The following FAM117A variants were observed in gnomAD, a reference collection of about 807,000 sequenced individuals.
The protein encoded by FAM117A is family with sequence similarity 117 member A, also known as protein FAM117A.
FAM117A carries 21 observed loss-of-function variants against 44.1 expected under a neutral mutation model. That is an observed-to-expected ratio of 0.48 (90% CI 0.34 to 0.69). The LOEUF (loss-of-function observed/expected upper bound fraction) is 0.69. Ranked by LOEUF, FAM117A falls within the 30% of genes least tolerant of loss-of-function variation. FAM117A has a pLI of 0.01. For synonymous variants in FAM117A, 220 were observed against 238.3 expected, an observed-to-expected ratio of 0.92 and a Z score of 0.71; for missense variants, 498 against 589.9, an observed-to-expected ratio of 0.84 and a Z score of 1.61.
At chr17:49,775,409 C>T (rs750649935) in intron 1 of FAM117A, among the ~76,000 whole-genome samples, 4 of 152,200 alleles carry the variant, frequency 2.6e-5, no homozygotes, top group Non-Finnish European at 5.9e-5. Flanking sequence ...CCCAACACAT[C>T]TATTCCACAA....
chr17:49,752,153 G>A (rs2143770499), intron 1 of FAM117A, among the ~76,000 whole-genome samples: 1 of 152,044 alleles, frequency 6.6e-6, no homozygotes, highest in African/African-American at 2.4e-5. Flanking sequence ...TAATCTACTT[G>A]GGAGGGTTAG....
chr17:49,721,421 T>C (rs1398535059), intron 3 of FAM117A, among the ~76,000 whole-genome samples: 1 of 152,228 alleles, frequency 6.6e-6, no homozygotes, highest in Non-Finnish European at 1.5e-5. Flanking sequence ...CAATTTGCTA[T>C]TGTGGGTCAC....
chr17:49,733,437 G>A (rs1453129256), intron 1 of FAM117A, among the ~76,000 whole-genome samples: 1 of 152,128 alleles, frequency 6.6e-6, no homozygotes, highest in Non-Finnish European at 1.5e-5. Context: ...CCAGCACTTT[G>A]GGAGGTGGGC....
chr17:49,767,483 C>T (rs2073748762), upstream of FAM117A, among the ~76,000 whole-genome samples: 1 of 152,220 alleles, frequency 6.6e-6, no homozygotes. Context: ...CTGAAGTTCA[C>T]AAGCCAGCAG....
chr17:49,718,513 C>G (rs2073516138), intron 5 of FAM117A, among the ~76,000 whole-genome samples: 1 of 151,132 alleles, frequency 6.6e-6, no homozygotes, highest in Non-Finnish European at 1.5e-5. Flanking sequence ...CTCAAAGATA[C>G]AAAAAAAATT....
At chr17:49,780,232 A>G (rs1273513107) in intron 1 of FAM117A, among the ~76,000 whole-genome samples, 3 of 152,200 alleles carry the variant, frequency 2.0e-5, no homozygotes, top group Non-Finnish European at 4.4e-5. Context: ...ATCTCCCAAC[A>G]AATAAAAAGA....
At chr17:49,764,384 G>C (rs916613397), upstream of FAM117A, among the ~76,000 whole-genome samples, 4 of 152,162 alleles carry the variant, frequency 2.6e-5, no homozygotes, top group African/African-American at 9.7e-5. Flanking sequence ...AAGAGGGCTG[G>C]TTCTCCAGCG....
upstream of FAM117A, chr17:49,788,972 C>A: frequency 1.1e-6 from 1 of 907,126 alleles, no homozygotes; most frequent in Non-Finnish European, 1.6e-6. Context: ...CCTTGTTCAG[C>A]TACCCTCTCT....
At chr17:49,756,829 T>C (rs981755389) in intron 1 of FAM117A, among the ~76,000 whole-genome samples, 5 of 151,084 alleles carry the variant, frequency 3.3e-5, no homozygotes, top group African/African-American at 7.3e-5. Flanking sequence ...GGCAGGAGAA[T>C]TGCTTGAACC....
chr17:49,723,859 A>G (rs989137067), intron 2 of FAM117A, among the ~76,000 whole-genome samples: 1 of 152,098 alleles, frequency 6.6e-6, no homozygotes, highest in African/African-American at 2.4e-5. Context: ...GCCACGCAAC[A>G]TAGCCAGGGT....
rs547802633 is a variant in FAM117A, at chr17:49,760,092, A to G, written c.196+3800T>C. Among the ~76,000 whole-genome samples the G allele has an allele frequency of 7.2e-5, 11 of 152,332 alleles. No individual in the cohort carries two copies. The South Asian group carries it at 1.7e-3, about 23-fold the overall frequency. ...CTTTTATATAAATTCAAATTAGCTTATGTCTACTGAACACATCACCTGACA... is the reference window on the plus strand; with the variant it reads ...CTTTTATATAAATTCAAATTAGCTTGTGTCTACTGAACACATCACCTGACA... On this transcript the variant is annotated intron_variant, in intron 1 of 7. Coordinates refer to ENST00000240364, the MANE Select transcript of FAM117A (RefSeq NM_030802.4).
chr17:49,714,329 C>T (rs1220176512), intron 7 of FAM117A, among the ~76,000 whole-genome samples: 2 of 151,884 alleles, frequency 1.3e-5, no homozygotes, highest in African/African-American at 4.8e-5. Context: ...TGGATCACCA[C>T]CACTCTTTTT....
chr17:49,717,470 G>A (rs1257708100), intron 6 of FAM117A, 43 bp downstream of exon 6: 1 of 1,584,946 alleles, frequency 6.3e-7, no homozygotes, highest in South Asian at 1.1e-5. Flanking sequence ...AGCCACTCAT[G>A]TGCCCCAGAG....
chr17:49,771,065 G>A (rs1261546945), intron 1 of FAM117A, among the ~76,000 whole-genome samples: 9 of 152,004 alleles, frequency 5.9e-5, no homozygotes, highest in Admixed American at 2.6e-4. Flanking sequence ...AAAATTAGCT[G>A]GGTGTGGTGG....
chr17:49,759,660 C>T (rs1044320276), intron 1 of FAM117A, among the ~76,000 whole-genome samples: 7 of 152,330 alleles, frequency 4.6e-5, no homozygotes, highest in Admixed American at 2.6e-4. Context: ...CTTAGGGTCT[C>T]TAATATGCAA....
intron 1 of FAM117A, among the ~76,000 whole-genome samples, chr17:49,742,694 G>A (rs867444425): frequency 6.6e-6 from 1 of 152,204 alleles, no homozygotes; most frequent in Non-Finnish European, 1.5e-5. Context: ...TTATTTGGGA[G>A]TGATGGGTTT....
intron 1 of FAM117A, among the ~76,000 whole-genome samples, chr17:49,739,491 G>A (rs559295863): frequency 8.5e-5 from 13 of 152,310 alleles, no homozygotes; most frequent in South Asian, 4.1e-4. Context: ...AATAGAGAAC[G>A]TCCCCTAAGA....
At chr17:49,744,690 G>A (rs911243837) in intron 1 of FAM117A, among the ~76,000 whole-genome samples, 1 of 151,594 alleles carries the variant, frequency 6.6e-6, no homozygotes, top group Non-Finnish European at 1.5e-5. Flanking sequence ...TATATAAATA[G>A]TTGTCGTACT....
At chr17:49,735,680 G>A (rs1487181067) in intron 1 of FAM117A, among the ~76,000 whole-genome samples, 1 of 152,024 alleles carries the variant, frequency 6.6e-6, no homozygotes, top group Non-Finnish European at 1.5e-5. Context: ...GCCCAGGCTG[G>A]TCTTGAACTC....
Sources: allele counts gnomAD v4.1 joint callset (sites outside exome capture counted in the v4.1 genomes callset), GRCh38; gene constraint gnomAD v4.1.1; transcripts MANE v1.5; gene names NCBI Gene and HGNC (gene_info 2026-07-23, HGNC 2026-07-21).